Variants in NRAP observed in about 807,000 individuals in gnomAD.
The protein encoded by NRAP is nebulin-related-anchoring protein.
A neutral mutation model predicts 225.9 loss-of-function variants in NRAP; 189 were observed. The ratio of observed to expected loss-of-function variants is 0.84; its 90% CI spans 0.74 to 0.94. The LOEUF (loss-of-function observed/expected upper bound fraction) is 0.94. NRAP is among the 40% of genes least tolerant of loss of function. NRAP has a pLI of 0.00. For synonymous variants in NRAP, 769 were observed against 790.7 expected (o/e 0.97, Z 0.46); for missense variants, 2,176 against 2,168.7 (o/e 1.00, Z -0.07).
chr10:113,638,356 A>G (rs1849002088), intron 14 of NRAP, among the ~76,000 whole-genome samples: 1 of 152,160 alleles, frequency 6.6e-6, no homozygotes, highest in Non-Finnish European at 1.5e-5. Context: ...TGCTAAAGAT[A>G]GAGTCTCATT....
intron 8 of NRAP, 40 bp downstream of exon 8, chr10:113,650,396 CCT>C: frequency 7.0e-7 from 1 of 1,427,680 alleles, no homozygotes. Context: ...GGTTCACATT[CCT>C]CTTTCTCCCT....
Position 113,652,939 on chromosome 10 carries a change from C to T in NRAP, c.566G>A (p.Ser189Asn), listed in dbSNP as rs1399739676. ...QRAKKANQLA[S>N]QVEYKRGHDE... ...AAAAAGCACCCAGGCACTCACTTGG[C>T]TGGCCAGCTGGTTGGCTTTCTTGGC... The change falls in exon 6 of 42, where the codon AGC (serine) becomes AAC (asparagine). Residue 189 changes from serine to asparagine, a missense_variant. Physicochemically the swap from Ser to Asn is conservative, Grantham distance 46. Transcript: ENST00000359988. The T allele has an allele frequency of 3.7e-6, 6 of 1,609,718 alleles. No homozygotes were observed. The highest frequency in any genetic ancestry group is 5.1e-6 in the Non-Finnish European group (6 of 1,177,912).
Position 113,657,570 on chromosome 10 carries a change from TG to T in NRAP, c.259del (p.His87MetfsTer17), listed in dbSNP as rs1564764765. On this transcript the variant is annotated frameshift_variant, in exon 4 of 42. Transcript: ENST00000359988. LOFTEE classifies it high-confidence loss of function. ...RTFPEAISGI[H>X]DQEDGEQCKS... is the part of the protein sequence containing the mutation. ...ACACTGTTCACCATCTTCTTGGTCA[TG>T]GATCTGCTCAAGGAAGATGTTGTCA... 1 of 1,526,626 alleles carries T rather than the reference TG, an allele frequency of 6.6e-7. No homozygotes were observed. The highest frequency in any genetic ancestry group is 2.3e-5 in the East Asian group (1 of 44,390). The allele number at this position is 1,526,626 out of a possible 1,614,324, so 94.6% of individuals were successfully genotyped here. A position where few individuals can be genotyped will look rare whatever the true frequency, so the allele number is the denominator to read the frequency against.
chr10:113,649,778 T>C (rs921845255), intron 9 of NRAP, among the ~76,000 whole-genome samples: 1 of 152,208 alleles, frequency 6.6e-6, no homozygotes, highest in East Asian at 1.9e-4. Flanking sequence ...TGCTTTCTTC[T>C]TGGCCAAGCC....
In NRAP at chr10:113,589,727, T is replaced by G. The variant is rs1207561859; in HGVS notation, c.5027A>C (p.Glu1676Ala). 2 of 1,614,202 alleles carry G rather than the reference T, an allele frequency of 1.2e-6. No homozygotes were observed. The highest frequency in any genetic ancestry group is 1.7e-5 in the Admixed American group (1 of 60,034). The change falls in exon 41 of 42, where the codon GAA becomes GCA. Residue 1676 changes from glutamate to alanine, a missense_variant. Glu to Ala is a moderately radical substitution (Grantham distance 107, BLOSUM62 -1). Coordinates refer to ENST00000359988, the MANE Select transcript of NRAP (RefSeq NM_198060.4). ...GWTPPGSYKV[E>A]MARRAAELAN... The stretch of plus-strand genomic sequence containing the variant: ...CAGTTCCGCAGCCCGCCGAGCCATT[T>G]CCACTTTGTAGGAGCCAGGAGGGGT...
rs1326329032 is a variant in NRAP, at chr10:113,588,984, C to T, written c.5184G>A (p.Leu1728=). The change falls in exon 42 of 42, where the codon CTG becomes CTA. Residue 1728 remains leucine (L), a synonymous_variant. Coordinates refer to ENST00000359988, the MANE Select transcript of NRAP (RefSeq NM_198060.4). ...TCAGGGTGGACATGGCTCACAACAG[C>T]AGGGCCTTCTTCTTTTTGACGTGCA... ...EILHVKKKKA[L]LL 1 of 1,613,314 alleles carries T rather than the reference C, an allele frequency of 6.2e-7. No individual in the cohort carries two copies. Among genetic ancestry groups the T allele is most frequent in the Non-Finnish European group, 8.5e-7 (1 of 1,179,362 alleles).
At chr10:113,614,091 A>G (rs960219344) in intron 29 of NRAP, 92 bp downstream of exon 29, 3 of 817,256 alleles carry the variant, frequency 3.7e-6, no homozygotes, top group Non-Finnish European at 6.5e-6. Context: ...ACCAATACCC[A>G]TGTCCAGAAG....
At chr10:113,632,051 T>G (rs781747139) in intron 16 of NRAP, 87 bp from the exon 17 acceptor site, 90 of 823,490 alleles carry the variant, frequency 1.1e-4, no homozygotes, top group Admixed American at 4.7e-4. Context: ...AGTTGGATTT[T>G]TCCTCTATTT....
In NRAP at chr10:113,619,645, C is replaced by T. The variant is rs566928336; in HGVS notation, c.2874+959G>A. ...AAAAAAAAAAAAAAAATCCAGGAGG[C>T]TCATTGCCAAAGCTAACAACCTGTG... On this transcript the variant is annotated intron_variant, in intron 25 of 41. Coordinates refer to ENST00000359988, the MANE Select transcript of NRAP (RefSeq NM_198060.4). Among the ~76,000 whole-genome samples, 4 of 151,460 alleles carry T rather than the reference C, an allele frequency of 2.6e-5. No homozygotes were observed. The South Asian group carries it at 6.3e-4, about 24-fold the overall frequency.
Position 113,630,093 on chromosome 10 carries a change from G to C in NRAP, c.1843-308C>G, listed in dbSNP as rs1223286778. ...TAGATGCTTTAAGAGATAGAATAAA[G>C]AAGCTTGGGCTGCAGAGCCAGACAA... On this transcript the variant is annotated intron_variant, in intron 18 of 41. Coordinates refer to ENST00000359988, the MANE Select transcript of NRAP (RefSeq NM_198060.4). Among the ~76,000 whole-genome samples, 4 of 152,298 alleles carry C rather than the reference G, an allele frequency of 2.6e-5. No homozygotes were observed. The East Asian group carries it at 7.7e-4, about 29-fold the overall frequency.
chr10:113,602,647 AATTG>A (rs934767924), intron 35 of NRAP, among the ~76,000 whole-genome samples: 15 of 152,332 alleles, frequency 9.8e-5, no homozygotes, highest in African/African-American at 3.6e-4. Flanking sequence ...AATTAATAAT[AATTG>A]ATTATGTGTT....
rs762045008 is a variant in NRAP, at chr10:113,640,346, AAAG to A, written c.1324-18_1324-16del. ...TTGTAGGCAACCTAAAACAGGAAGA[AAAG>A]AAGAAGAATGGAGAAATCAATTTCT... On this transcript the variant is annotated splice_polypyrimidine_tract_variant and intron_variant, in intron 13 of 41. Transcript: ENST00000359988. 11 of 1,397,468 alleles carry A rather than the reference AAAG, an allele frequency of 7.9e-6. 1 individual carries two copies. Among genetic ancestry groups the A allele is most frequent in the Admixed American group, 6.3e-5 (3 of 47,668 alleles). The allele number at this position is 1,397,468 out of a possible 1,614,324, so 86.6% of individuals were successfully genotyped here.
chr10:113,660,800 G>A (rs1850627023), intron 3 of NRAP, among the ~76,000 whole-genome samples: 2 of 152,110 alleles, frequency 1.3e-5, no homozygotes, highest in Admixed American at 1.3e-4. Context: ...TTTGTCTTCT[G>A]GAGAGTTTGC....
chr10:113,647,032 C>A lies in NRAP; in HGVS notation c.889-5G>T. On this transcript the variant is annotated splice_polypyrimidine_tract_variant and splice_region_variant and intron_variant, in intron 9 of 41. Coordinates refer to ENST00000359988, the MANE Select transcript of NRAP (RefSeq NM_198060.4). ...CTCATACTCCTCCGGGTAACCCTGC[C>A]GGGTGCATCAAAAACTTCAGTGAGT... is the stretch of plus-strand genomic sequence containing the variant. The A allele has an allele frequency of 6.2e-7, 1 of 1,606,690 alleles. No individual in the cohort carries two copies. Among genetic ancestry groups the A allele is most frequent in the South Asian group, 1.1e-5 (1 of 90,910 alleles).
In NRAP at chr10:113,622,329, C is replaced by T. The variant is rs149656949; in HGVS notation, c.2458-149G>A. The T allele has an allele frequency of 7.0e-4, 421 of 602,994 alleles. 2 individuals are homozygous for T. Among genetic ancestry groups the T allele is most frequent in the African/African-American group, 6.1e-3 (329 of 54,100 alleles). 37.4% of individuals were successfully genotyped at this position (602,994 alleles called of 1,614,324 possible). A position where few individuals can be genotyped will look rare whatever the true frequency, so the allele number is the denominator to read the frequency against. On this transcript the variant is annotated intron_variant, in intron 23 of 41. Transcript: ENST00000359988. The stretch of plus-strand genomic sequence containing the variant: ...ATGAAAGTTTGCCTTTTTGAGCATC[C>T]GATACATTTTCTTTCATCAGTGAAA...
intron 27 of NRAP, 73 bp from the exon 28 acceptor site, chr10:113,615,019 T>A: frequency 1.1e-6 from 1 of 935,052 alleles, no homozygotes; most frequent in Non-Finnish European, 1.8e-6. Flanking sequence ...CTTACCAAAT[T>A]GGCAATCTGG....
chr10:113,627,889 T>C (rs139221540), intron 20 of NRAP, among the ~76,000 whole-genome samples: 1 of 152,344 alleles, frequency 6.6e-6, no homozygotes, highest in East Asian at 1.9e-4. Context: ...ATGTATATAA[T>C]ACGCCCAAAG....
In NRAP at chr10:113,608,443, C is replaced by T. The variant is rs1348917950; in HGVS notation, c.3673G>A (p.Ala1225Thr). The T allele has an allele frequency of 6.8e-6, 11 of 1,613,116 alleles. No homozygotes were observed. Among genetic ancestry groups the T allele is most frequent in the Non-Finnish European group, 8.5e-6 (10 of 1,179,288 alleles). ...TTCGTTATCTGGTTGCTGAATTTCG[C>T]ATGAAGGAGGTTGGGAGTGTCTGTC... ...AVTDTPNLLH[A>T]KFSNQITNER... The change falls in exon 32 of 42, where the codon GCG (alanine) becomes ACG (threonine). Residue 1225 changes from alanine (A) to threonine (T), a missense_variant. Coordinates refer to ENST00000359988, the MANE Select transcript of NRAP (RefSeq NM_198060.4).
intron 15 of NRAP, among the ~76,000 whole-genome samples, chr10:113,633,680 CTAA>C (rs1163535022): frequency 2.0e-5 from 3 of 151,932 alleles, no homozygotes; most frequent in Non-Finnish European, 2.9e-5. Flanking sequence ...ATTGGTGAAA[CTAA>C]GAATTATTGT....
Sources: gnomAD v4.1 joint callset for allele counts (sites outside exome capture counted in the v4.1 genomes callset) on GRCh38, gnomAD v4.1.1 for gene constraint, MANE v1.5 for transcripts, NCBI Gene and HGNC (gene_info 2026-07-23, HGNC 2026-07-21) for gene names.